PCDHGB3: variants seen among roughly 807,000 people sequenced by gnomAD.
PCDHGB3 encodes the protein protocadherin gamma-B3.
A neutral mutation model predicts 59.2 loss-of-function variants in PCDHGB3; 40 were observed. The ratio of observed to expected loss-of-function variants is 0.68; its 90% confidence interval spans 0.52 to 0.88. The LOEUF is 0.88. Ranked by LOEUF, PCDHGB3 falls within the 40% of genes least tolerant of loss-of-function variation. The pLI, the probability that PCDHGB3 is intolerant of heterozygous loss-of-function variation, is 0.00. For synonymous variants in PCDHGB3, 581 were observed against 503.6 expected (o/e 1.15, Z -2.06); for missense variants, 1,309 against 1,187.9 (o/e 1.10, Z -1.50).
intron 1 of PCDHGB3, among the ~76,000 whole-genome samples, chr5:141,480,730 G>T (rs1261461187): frequency 6.6e-6 from 1 of 152,168 alleles, no homozygotes; most frequent in Non-Finnish European, 1.5e-5. Flanking sequence ...GTCTCTGGGG[G>T]TGGGACATAG....
chr5:141,377,445 A>T (rs1442230734), intron 1 of PCDHGB3: 1 of 152,050 alleles, frequency 6.6e-6, no homozygotes, highest in Admixed American at 6.6e-5. Flanking sequence ...AAAAGAAAAA[A>T]AAGTAGCCAG....
intron 1 of PCDHGB3, chr5:141,423,709 C>G (rs2096768343): frequency 8.7e-7 from 1 of 1,147,590 alleles, no homozygotes; most frequent in African/African-American, 1.9e-5. Context: ...TGGCACAAGT[C>G]TTTTAAGGAG....
At chr5:141,421,613 A>G in intron 1 of PCDHGB3, 2 of 1,613,838 alleles carry the variant, frequency 1.2e-6, no homozygotes, top group South Asian at 2.2e-5. Flanking sequence ...GATATTAATG[A>G]TAACGCCCCC....
chr5:141,376,508 G>A (rs1267982619), intron 1 of PCDHGB3: 1 of 1,614,020 alleles, frequency 6.2e-7, no homozygotes, highest in South Asian at 1.1e-5. Context: ...GCAACTTCAG[G>A]TGAGTTTCTT....
At chr5:141,441,820 G>A in intron 1 of PCDHGB3, 1 of 359,390 alleles carries the variant, frequency 2.8e-6, no homozygotes, top group Non-Finnish European at 5.5e-6. Flanking sequence ...CCCAGCTCTG[G>A]AGCGCAATGG....
chr5:141,414,209 A>G (rs2095719803), intron 1 of PCDHGB3: 3 of 1,612,712 alleles, frequency 1.9e-6, no homozygotes, highest in South Asian at 2.2e-5. Flanking sequence ...GAAGATGTAA[A>G]TGACAACAGT....
chr5:141,431,719 A>G lies in PCDHGB3; in HGVS notation c.2415+58910A>G. On this transcript the variant is annotated intron_variant, in intron 1 of 3. Transcript: ENST00000576222. This position sits in a 1 kb window ranked among gnomAD's most constrained non-coding sequence, Gnocchi z 4.8. ...CAGGATTCTACCAGATGGAAGTGCA[A>G]GCAATGGATAATGCAGGATATTCTG... 6.2e-7 allele frequency: 1 copy of G among 1,614,244 alleles called. No individual in the cohort carries two copies. Among genetic ancestry groups the G allele is most frequent in the Non-Finnish European group, 8.5e-7 (1 of 1,180,050 alleles).
rs1305933236 is a variant in PCDHGB3 at position 141,371,928 on chromosome 5, G to C, written c.1534G>C (p.Gly512Arg). The C allele has an allele frequency of 6.2e-7, 1 of 1,613,350 alleles. No individual in the cohort carries two copies. Reference protein sequence around the residue: ...SSYVSVSARSGVVFAQRAFDH... With the variant: ...SSYVSVSARSRVVFAQRAFDH... ...CTACGTGTCCGTGAGCGCGCGGAGC[G>C]GGGTGGTGTTCGCGCAGCGAGCCTT... The change falls in exon 1 of 4, where the codon GGG (glycine) becomes CGG (arginine). Residue 512 changes from glycine (G) to arginine (R), a missense_variant. Gly to Arg is a moderately radical substitution (Grantham distance 125, BLOSUM62 -2). Transcript: ENST00000576222.
Position 141,427,133 on chromosome 5 carries a change from A to AGAT in PCDHGB3, c.2415+54328_2415+54330dup, listed in dbSNP as rs370316028. 2.9e-4 allele frequency: 134 copies of AGAT among 457,190 alleles called. 1 individual carries two copies. The highest frequency in any genetic ancestry group is 2.4e-3 in the African/African-American group (123 of 50,216). The allele number at this position is 457,190 out of a possible 1,614,324, so 28.3% of individuals were successfully genotyped here. On this transcript the variant is annotated intron_variant, in intron 1 of 3. Transcript: ENST00000576222. ...TCACCTACTCTTTCAAATCCCTACG[A>AGAT]GATGATATTGGAAATATGTTTGTGC...
At chr5:141,430,383 GA>G (rs139772145) in intron 1 of PCDHGB3, among the ~76,000 whole-genome samples, 3,229 of 138,382 alleles carry the variant, frequency 0.023, 41 homozygotes, top group African/African-American at 0.033. Flanking sequence ...AGCTCATTGG[GA>G]AAAAAAAAAA....
chr5:141,494,749 G>C (rs573811540), intron 1 of PCDHGB3, 58 bp from the exon 2 acceptor site: 3 of 1,612,818 alleles, frequency 1.9e-6, no homozygotes, highest in South Asian at 2.2e-5. Context: ...CTAGGGGCTC[G>C]GGTGACATTC....
Position 141,371,512 on chromosome 5 carries a change from A to C in PCDHGB3, c.1118A>C (p.Asp373Ala). The C allele has an allele frequency of 1.2e-6, 2 of 1,613,868 alleles. No homozygotes were observed. Among genetic ancestry groups the C allele is most frequent in the African/African-American group, 2.7e-5 (2 of 75,042 alleles). Residue 373 changes from aspartate (D) to alanine (A), a missense_variant, in exon 1 of 4, where the codon GAT becomes GCT. By Grantham distance (126) the Asp-to-Ala change is moderately radical. Transcript: ENST00000576222. ...GTAVALIKTHDLDSGFNGEIL... is the reference protein window; with the variant it reads ...GTAVALIKTHALDSGFNGEIL... ...GCCGTTGCCCTGATCAAAACACATG[A>C]TCTAGATTCTGGATTTAATGGAGAA...
Position 141,490,157 on chromosome 5 carries a change from G to T in PCDHGB3, c.2416-4650G>T. 1 of 1,614,210 alleles carries T rather than the reference G, an allele frequency of 6.2e-7. No homozygotes were observed. The highest frequency in any genetic ancestry group is 8.5e-7 in the Non-Finnish European group (1 of 1,180,038). On this transcript the variant is annotated intron_variant, in intron 1 of 3. Transcript: ENST00000576222. This position sits in a 1 kb window ranked among gnomAD's most constrained non-coding sequence, Gnocchi z 5.4. ...AGCAGTGGGGCAATCCATGTGTTGGGTCCCATAGACTTTGAGGAGTCACGT... is the reference window on the plus strand; with the variant it reads ...AGCAGTGGGGCAATCCATGTGTTGGTTCCCATAGACTTTGAGGAGTCACGT...
chr5:141,371,502 A>G lies in PCDHGB3; in HGVS notation c.1108A>G (p.Lys370Glu), dbSNP rs1767800690. 4 of 1,613,820 alleles carry G rather than the reference A, an allele frequency of 2.5e-6. No individual in the cohort carries two copies. In the African/African-American group the frequency reaches 4.0e-5, roughly 16 times the overall value. The change falls in exon 1 of 4, where the codon AAA (lysine) becomes GAA (glutamate). Residue 370 changes from lysine to glutamate, a missense_variant. Transcript: ENST00000576222. ...GCTGGGGACTGCCGTTGCCCTGATC[A>G]AAACACATGATCTAGATTCTGGATT... ...AELGTAVALIKTHDLDSGFNG... is the reference protein window; with the variant it reads ...AELGTAVALIETHDLDSGFNG...
At position 141,487,915 on chromosome 5, in the gene PCDHGB3, G is replaced by T; in HGVS notation, c.2416-6892G>T. The T allele has an allele frequency of 1.5e-6, 1 of 655,128 alleles. No homozygotes were observed. Among genetic ancestry groups the T allele is most frequent in the Middle Eastern group, 3.5e-4 (1 of 2,862 alleles). The allele number at this position is 655,128 out of a possible 1,614,324, so 40.6% of individuals were successfully genotyped here. ...GATGATGGAATGTGGGAGCACAGGA[G>T]GCTACAGTGCACAGGGTACAGTGCA... On this transcript the variant is annotated intron_variant, in intron 1 of 3. Coordinates refer to ENST00000576222, the MANE Select transcript of PCDHGB3 (RefSeq NM_018924.5). This position sits in a 1 kb window ranked among gnomAD's most constrained non-coding sequence, Gnocchi z 5.0.
intron 1 of PCDHGB3, chr5:141,376,561 A>C (rs780141155): frequency 4.2e-5 from 67 of 1,608,210 alleles, no homozygotes; most frequent in Non-Finnish European, 5.4e-5. Context: ...CCGCAACCCA[A>C]CTAATCAGAC....
At chr5:141,433,332 T>C (rs1344429296) in intron 1 of PCDHGB3, 7 of 694,580 alleles carry the variant, frequency 1.0e-5, no homozygotes, top group Non-Finnish European at 1.7e-5. Context: ...TAACAGGGAC[T>C]ACAGGTGCAA....
rs1479003983 is a variant in PCDHGB3, at chr5:141,485,352, C to T, written c.2416-9455C>T. On this transcript the variant is annotated intron_variant, in intron 1 of 3. Coordinates refer to ENST00000576222, the MANE Select transcript of PCDHGB3 (RefSeq NM_018924.5). This position sits in a 1 kb window ranked among gnomAD's most constrained non-coding sequence, Gnocchi z 5.7. ...TTCCTGCTGGATACGGACAGTCTGT[C>T]AGCTCGCAGGCTGCAGGTCGCTGGA... 1 of 1,614,136 alleles carries T rather than the reference C, an allele frequency of 6.2e-7. No homozygotes were observed. The highest frequency in any genetic ancestry group is 8.5e-7 in the Non-Finnish European group (1 of 1,180,012).
At chr5:141,446,657 A>G (rs2098510367) in intron 1 of PCDHGB3, among the ~76,000 whole-genome samples, 1 of 152,092 alleles carries the variant, frequency 6.6e-6, no homozygotes, top group African/African-American at 2.4e-5. Context: ...TTGTATTTTT[A>G]GTACAAGACA....
Sources: gnomAD v4.1 joint callset for allele counts (sites outside exome capture counted in the v4.1 genomes callset) on GRCh38, gnomAD v4.1.1 for gene constraint, Gnocchi (gnomAD v3.1) non-coding constraint, MANE v1.5 for transcripts, NCBI Gene and HGNC (gene_info 2026-07-23, HGNC 2026-07-21) for gene names.